Variants in CSMD1 observed in about 807,000 individuals in gnomAD.
CSMD1 encodes CUB and sushi domain-containing protein 1.
CSMD1 carries 213 observed loss-of-function variants against 417.5 expected under a neutral mutation model. That is an observed-to-expected ratio of 0.51 (90% CI 0.46 to 0.57). The LOEUF (loss-of-function observed/expected upper bound fraction) is 0.57. Ranked by LOEUF, CSMD1 falls within the 20% of genes least tolerant of loss-of-function variation. CSMD1 has a pLI of 0.00. For synonymous variants in CSMD1, 2,862 were observed against 1,736.8 expected (o/e 1.65, Z -16.11); for missense variants, 6,923 against 4,529.7 (o/e 1.53, Z -15.17).
At chr8:3,427,999 C>T (rs2117007867) in intron 12 of CSMD1, among the ~76,000 whole-genome samples, 1 of 152,278 alleles carries the variant, frequency 6.6e-6, no homozygotes, top group South Asian at 2.1e-4. Flanking sequence ...AGCCTTAATT[C>T]CATGAAGAAC....
intron 2 of CSMD1, among the ~76,000 whole-genome samples, chr8:4,488,524 T>C (rs1030881118): frequency 2.0e-5 from 3 of 152,176 alleles, no homozygotes; most frequent in African/African-American, 7.2e-5. Flanking sequence ...ATTGGATTTC[T>C]ACAATGTTTT....
intron 2 of CSMD1, among the ~76,000 whole-genome samples, chr8:4,444,605 A>C (rs190245023): frequency 1.2e-4 from 19 of 152,168 alleles, no homozygotes; most frequent in African/African-American, 4.3e-4. Flanking sequence ...AGCATTCTGC[A>C]CAAGGGATAG....
intron 5 of CSMD1, among the ~76,000 whole-genome samples, chr8:3,759,904 CAAAA>C (rs71203472): frequency 3.1e-5 from 3 of 95,606 alleles, no homozygotes; most frequent in Non-Finnish European, 4.1e-5. Context: ...GAGACTGTCT[CAAAA>C]AAAAAAAAAA....
chr8:3,473,573 T>C (rs2117208812), intron 11 of CSMD1, among the ~76,000 whole-genome samples: 1 of 152,316 alleles, frequency 6.6e-6, no homozygotes, highest in African/African-American at 2.4e-5. Context: ...ATTGTTGCCC[T>C]TTGCAACTGG....
At chr8:3,669,936 A>G (rs143047575) in intron 7 of CSMD1, among the ~76,000 whole-genome samples, 2 of 152,294 alleles carry the variant, frequency 1.3e-5, no homozygotes, top group East Asian at 3.9e-4. Context: ...TTGAGACTTT[A>G]AATAACACAC....
At chr8:4,359,662 T>C (rs1344639654) in intron 3 of CSMD1, among the ~76,000 whole-genome samples, 1 of 152,206 alleles carries the variant, frequency 6.6e-6, no homozygotes, top group Non-Finnish European at 1.5e-5. Flanking sequence ...TGTGTGTGGT[T>C]GATTCTGGGT....
chr8:3,837,723 C>A (rs1212321967), intron 5 of CSMD1, among the ~76,000 whole-genome samples: 2 of 152,070 alleles, frequency 1.3e-5, no homozygotes, highest in Non-Finnish European at 2.9e-5. Context: ...CACATAACTA[C>A]CCTCTCCTTA....
intron 7 of CSMD1, among the ~76,000 whole-genome samples, chr8:3,662,705 T>A (rs986719011): frequency 6.6e-6 from 1 of 152,160 alleles, no homozygotes. Context: ...TGGATGAAGC[T>A]GGAAGCCATC....
At chr8:4,707,886 CAAAAAAAA>C (rs552510236) in intron 1 of CSMD1, among the ~76,000 whole-genome samples, 13 of 100,840 alleles carry the variant, frequency 1.3e-4, no homozygotes, top group East Asian at 3.0e-4. Flanking sequence ...GACTTTGTTT[CAAAAAAAA>C]AAAAAAAAAA....
chr8:3,230,890 C>T (rs1454829656), intron 26 of CSMD1, among the ~76,000 whole-genome samples: 1 of 150,538 alleles, frequency 6.6e-6, no homozygotes. Context: ...TATAAAGAAT[C>T]TCAAATCTGC....
intron 3 of CSMD1, among the ~76,000 whole-genome samples, chr8:4,345,964 C>G (rs1800757182): frequency 6.6e-6 from 1 of 152,152 alleles, no homozygotes; most frequent in South Asian, 2.1e-4. Context: ...GCTCTTCATA[C>G]TGACTAGATA....
chr8:3,151,298 A>T (rs1161107659), intron 40 of CSMD1, 99 bp downstream of exon 40: 6 of 720,756 alleles, frequency 8.3e-6, no homozygotes, highest in African/African-American at 3.5e-5. Flanking sequence ...TTACAGATAC[A>T]GTTATGCCAA....
At chr8:3,961,791 G>T (rs895338381) in intron 5 of CSMD1, among the ~76,000 whole-genome samples, 1 of 152,228 alleles carries the variant, frequency 6.6e-6, no homozygotes. Flanking sequence ...TGGTGCACTG[G>T]GTTTTTAATA....
rs201932026 is a variant in CSMD1 at position 3,406,215 on chromosome 8, C to A, written c.2078G>T (p.Gly693Val). Residue 693 changes from glycine to valine, a missense_variant, in exon 15 of 70, where the codon GGT becomes GTT. Coordinates refer to ENST00000635120, the MANE Select transcript of CSMD1 (RefSeq NM_033225.6). ...GCCAGGATCATGGCACTCATTCTGA[C>A]CAAATGCTGAAAGAAAAAGAAGAAG... is the stretch of plus-strand genomic sequence containing the variant. ...RGFNITYTTF[G>V]QNECHDPGIP... 5.0e-6 allele frequency: 8 copies of A among 1,594,530 alleles called. No homozygotes were observed. Among genetic ancestry groups the A allele is most frequent in the Non-Finnish European group, 6.8e-6 (8 of 1,171,640 alleles).
At chr8:4,308,528 G>A (rs1798379412) in intron 3 of CSMD1, among the ~76,000 whole-genome samples, 1 of 152,212 alleles carries the variant, frequency 6.6e-6, no homozygotes, top group Admixed American at 6.5e-5. Flanking sequence ...ACCCTGCTGT[G>A]TTTAGCAGAG....
At chr8:4,449,264 A>G (rs185613321) in intron 2 of CSMD1, among the ~76,000 whole-genome samples, 1 of 152,318 alleles carries the variant, frequency 6.6e-6, no homozygotes, top group East Asian at 1.9e-4. Flanking sequence ...GGTTGTAACT[A>G]TTGAAAGGAA....
intron 5 of CSMD1, among the ~76,000 whole-genome samples, chr8:3,873,728 C>A (rs772938735): frequency 6.6e-6 from 1 of 152,090 alleles, no homozygotes; most frequent in Non-Finnish European, 1.5e-5. Context: ...AATAAAAAGC[C>A]TTTTTCTCAG....
At chr8:3,274,038 C>A (rs1802078988) in intron 26 of CSMD1, among the ~76,000 whole-genome samples, 1 of 151,512 alleles carries the variant, frequency 6.6e-6, no homozygotes, top group South Asian at 2.1e-4. Context: ...AATTTTGGAT[C>A]TTTCCTGCTT....
rs935530278 is a variant in CSMD1 at position 4,570,538 on chromosome 8, G to T, written c.302+66804C>A. Among the ~76,000 whole-genome samples, 5 of 152,154 alleles carry T rather than the reference G, an allele frequency of 3.3e-5. No individual in the cohort carries two copies. In the South Asian group the frequency reaches 6.2e-4, roughly 19 times the overall value. ...ATGTGCTGCTGGATTTGATTTGCCA[G>T]TATTTTATTGAGGATTTTCACATCG... is the stretch of plus-strand genomic sequence containing the variant. On this transcript the variant is annotated intron_variant, in intron 2 of 69. Transcript: ENST00000635120.
Sources: allele counts gnomAD v4.1 joint callset (sites outside exome capture counted in the v4.1 genomes callset), GRCh38; gene constraint gnomAD v4.1.1; transcripts MANE v1.5; gene names NCBI Gene and HGNC (gene_info 2026-07-23, HGNC 2026-07-21).